The following RBM12 variants were observed in gnomAD, a reference collection of about 807,000 sequenced individuals.
The protein encoded by RBM12 is RNA-binding protein 12.
A neutral mutation model predicts 37.2 loss-of-function variants in RBM12; 24 were observed. The observed-to-expected ratio is 0.65, with a 90% CI of 0.47 to 0.91. The LOEUF is 0.91. Among genes scored for constraint, RBM12 ranks in the 40% least tolerant of loss-of-function variants. The pLI, the probability that RBM12 is intolerant of heterozygous loss-of-function variation, is 0.00. For synonymous variants in RBM12, 420 were observed against 425.2 expected (o/e 0.99, Z 0.15); for missense variants, 1,061 against 1,183.2 (o/e 0.90, Z 1.52).
Position 35,654,674 on chromosome 20 carries a change from A to G in RBM12, c.649T>C (p.Leu217=). 6.2e-7 allele frequency: 1 copy of G among 1,613,362 alleles called. No homozygotes were observed. Among genetic ancestry groups the G allele is most frequent in the Non-Finnish European group, 8.5e-7 (1 of 1,179,340 alleles). ...GGGGGCACAGGAGGCACAGGAGGCAATGTAGGTACTGGAGGAGGAACTGGA... is the reference window on the plus strand; with the variant it reads ...GGGGGCACAGGAGGCACAGGAGGCAGTGTAGGTACTGGAGGAGGAACTGGA... ...PIPVPPPVPT[L]PPVPPVPPIP... Residue 217 remains leucine, a synonymous_variant, in exon 3 of 3, where the codon TTG becomes CTG. Transcript: ENST00000374114.
At chr20:35,662,270 CTTCA>C (rs534926187) in intron 1 of RBM12, among the ~76,000 whole-genome samples, 185 of 152,256 alleles carry the variant, frequency 1.2e-3, no homozygotes, top group African/African-American at 4.0e-3. Context: ...ATGTTGCTAC[CTTCA>C]TTTTCACTTC....
In RBM12 at chr20:35,649,135, T is replaced by C. The variant is rs1384725727; in HGVS notation, c.*3389A>G. ...TACTATAGAACTGCCAGTAAAACAATTTAAATGTGGCAATTTTGCAAGGGT... is the reference window on the plus strand; with the variant it reads ...TACTATAGAACTGCCAGTAAAACAACTTAAATGTGGCAATTTTGCAAGGGT... On this transcript the variant is annotated 3_prime_UTR_variant, in exon 3 of 3. Transcript: ENST00000374114. The C allele has an allele frequency of 6.6e-6, 1 of 152,484 alleles. No homozygotes were observed. The highest frequency in any genetic ancestry group is 1.5e-5 in the Non-Finnish European group (1 of 68,040). 9.4% of individuals were successfully genotyped at this position (152,484 alleles called of 1,614,324 possible). A position where few individuals can be genotyped will look rare whatever the true frequency, so the allele number is the denominator to read the frequency against.
chr20:35,655,106 A>G lies in RBM12; in HGVS notation c.217T>C (p.Leu73=). The change falls in exon 3 of 3, where the codon TTG becomes CTG. Residue 73 remains leucine (L), a synonymous_variant. Transcript: ENST00000374114. ...TTCTGCATTTCCGTCTTACTACTCA[A>G]CAATAGTGTTACTTTTGACCCTTTA... The part of the protein sequence containing the change: ...TIKGSKVTLL[L]SSKTEMQNMI... 3.1e-6 allele frequency: 5 copies of G among 1,614,164 alleles called. No individual in the cohort carries two copies. The highest frequency in any genetic ancestry group is 4.2e-6 in the Non-Finnish European group (5 of 1,180,032).
Position 35,653,493 on chromosome 20 carries a change from A to G in RBM12, c.1830T>C (p.Asn610=). The G allele has an allele frequency of 1.2e-6, 2 of 1,614,190 alleles. No individual in the cohort carries two copies. Among genetic ancestry groups the G allele is most frequent in the Non-Finnish European group, 1.7e-6 (2 of 1,180,040 alleles). Residue 610 remains asparagine (N), a synonymous_variant, in exon 3 of 3, where the codon AAT becomes AAC. Coordinates refer to ENST00000374114, the MANE Select transcript of RBM12 (RefSeq NM_006047.6). ...KSERLHRKKL[N]GREAFVHVVT... is the part of the protein sequence containing the mutation. The stretch of plus-strand genomic sequence containing the variant: ...CTACATGAACAAAAGCTTCTCTCCC[A>G]TTAAGTTTTTTACGGTGTAAGCGTT...
rs912712495 is a variant in RBM12 at position 35,649,498 on chromosome 20, C to A, written c.*3026G>T. 1 of 152,550 alleles carries A rather than the reference C, an allele frequency of 6.6e-6. No homozygotes were observed. The highest frequency in any genetic ancestry group is 6.5e-5 in the Admixed American group (1 of 15,282). 9.4% of individuals were successfully genotyped at this position (152,550 alleles called of 1,614,324 possible). On this transcript the variant is annotated 3_prime_UTR_variant, in exon 3 of 3. Transcript: ENST00000374114. ...GAAATTTTAAATAAAGTTTCCTAAT[C>A]GAATTTTCATTGTTGATGCTTTGAC...
In RBM12 at chr20:35,654,548, T is replaced by C. The variant is rs201755475; in HGVS notation, c.775A>G (p.Met259Val). The change falls in exon 3 of 3, where the codon ATG (methionine) becomes GTG (valine). Residue 259 changes from methionine (M) to valine (V), a missense_variant. Met to Val is a conservative substitution (Grantham distance 21, BLOSUM62 1). Transcript: ENST00000374114. ...PPPVAPLPAG[M>V]NGSGAPMNLN... ...TTCATAGGTGCTCCAGAGCCATTCA[T>C]TCCAGCAGGTAGAGGTGCCACAGGT... 9 of 1,614,230 alleles carry C rather than the reference T, an allele frequency of 5.6e-6. No individual in the cohort carries two copies. The highest frequency in any genetic ancestry group is 1.7e-6 in the Non-Finnish European group (2 of 1,180,046).
chr20:35,658,891 T>C (rs1193273976), intron 2 of RBM12, 39 bp downstream of exon 2: 8 of 710,990 alleles, frequency 1.1e-5, no homozygotes, highest in African/African-American at 8.8e-5. Context: ...TCTCATTTTA[T>C]TTTGTATAAA....
At position 35,655,118 on chromosome 20, in the gene RBM12, C is replaced by T; in HGVS notation, c.205G>A (p.Val69Ile). 1 of 1,614,192 alleles carries T rather than the reference C, an allele frequency of 6.2e-7. No homozygotes were observed. Among genetic ancestry groups the T allele is most frequent in the Non-Finnish European group, 8.5e-7 (1 of 1,180,038 alleles). The stretch of plus-strand genomic sequence containing the variant: ...GTCTTACTACTCAACAATAGTGTTA[C>T]TTTTGACCCTTTAATTGTACCACCT... Reference protein sequence around the residue: ...RTGGTIKGSKVTLLLSSKTEM... With the variant: ...RTGGTIKGSKITLLLSSKTEM... The change falls in exon 3 of 3, where the codon GTA (valine) becomes ATA (isoleucine). Residue 69 changes from valine (V) to isoleucine (I), a missense_variant. By Grantham distance (29) the Val-to-Ile change is conservative (BLOSUM62 3). Around this residue, in one of 3 missense-constraint regions of RBM12, gnomAD observed 540 missense variants for 632.7 expected, o/e 0.85. Transcript: ENST00000374114.
rs926705691 is a variant in RBM12, at chr20:35,649,933, T to C, written c.*2591A>G. On this transcript the variant is annotated 3_prime_UTR_variant, in exon 3 of 3. Coordinates refer to ENST00000374114, the MANE Select transcript of RBM12 (RefSeq NM_006047.6). The stretch of plus-strand genomic sequence containing the variant: ...TGAGCAAAGCTTTACAAATCCTTCA[T>C]ACCATACAAAGCAAATGAGAAAATA... 1.3e-5 allele frequency: 2 copies of C among 152,472 alleles called. No homozygotes were observed. Among genetic ancestry groups the C allele is most frequent in the African/African-American group, 4.8e-5 (2 of 41,448 alleles). The allele number at this position is 152,472 out of a possible 1,614,324, so 9.4% of individuals were successfully genotyped here.
intron 2 of RBM12, 128 bp downstream of exon 2, chr20:35,658,802 A>ACAC (rs2034058571): frequency 2.0e-4 from 93 of 473,576 alleles, no homozygotes; most frequent in African/African-American, 1.4e-3. Context: ...AGCAAACAAA[A>ACAC]ACACACACAC....
rs773821439 is a variant in RBM12 at position 35,654,010 on chromosome 20, G to T, written c.1313C>A (p.Pro438Gln). Residue 438 changes from proline (P) to glutamine (Q), a missense_variant, in exon 3 of 3, where the codon CCA (proline) becomes CAA (glutamine). By Grantham distance (76) the Pro-to-Gln change is moderately conservative. This residue lies in a region of RBM12 where 540 missense variants were observed against 632.7 expected (regional missense o/e 0.85). Coordinates refer to ENST00000374114, the MANE Select transcript of RBM12 (RefSeq NM_006047.6). The stretch of plus-strand genomic sequence containing the variant: ...GACATGTTTGTTTTCTGCTTCAAAT[G>T]GTAGCCCTTTCAAGTAAACACAAAA... ...AGFCVYLKGL[P>Q]FEAENKHVID... 6.2e-7 allele frequency: 1 copy of T among 1,614,102 alleles called. No individual in the cohort carries two copies. Among genetic ancestry groups the T allele is most frequent in the Non-Finnish European group, 8.5e-7 (1 of 1,180,034 alleles).
Position 35,654,623 on chromosome 20 carries a change from G to C in RBM12, c.700C>G (p.Pro234Ala), listed in dbSNP as rs755001730. Residue 234 changes from proline (P) to alanine (A), a missense_variant, in exon 3 of 3, where the codon CCC (proline) becomes GCC (alanine). Transcript: ENST00000374114. ...GACATGGGTGGCAGTGGGGTCATGGGTGGCACAGAAGGAACTGGGGGAATC... is the reference window on the plus strand; with the variant it reads ...GACATGGGTGGCAGTGGGGTCATGGCTGGCACAGAAGGAACTGGGGGAATC... Reference protein sequence around the residue: ...PPIPPVPSVPPMTPLPPMSGM... With the variant: ...PPIPPVPSVPAMTPLPPMSGM... 1 of 1,614,210 alleles carries C rather than the reference G, an allele frequency of 6.2e-7. No homozygotes were observed. The highest frequency in any genetic ancestry group is 8.5e-7 in the Non-Finnish European group (1 of 1,180,040).
intron 1 of RBM12, among the ~76,000 whole-genome samples, chr20:35,659,434 T>C (rs992132740): frequency 5.3e-5 from 8 of 152,220 alleles, no homozygotes; most frequent in Non-Finnish European, 1.2e-4. Flanking sequence ...ATAACAATTC[T>C]TGGACAACTT....
chr20:35,652,818 A>AGGGCCGGGGCCG lies in RBM12; in HGVS notation c.2493_2504dup (p.Gly834_Pro837dup), dbSNP rs201181145. ...GGGGACCACCAATATGGATTGGGCC[A>AGGGCCGGGGCCG]GGGCCGGGGCCGGGGCCGGGGCCAG... On this transcript the variant is annotated inframe_insertion, in exon 3 of 3. Coordinates refer to ENST00000374114, the MANE Select transcript of RBM12 (RefSeq NM_006047.6). The AGGGCCGGGGCCG allele has an allele frequency of 2.6e-5, 42 of 1,602,474 alleles. No homozygotes were observed. Among genetic ancestry groups the AGGGCCGGGGCCG allele is most frequent in the Middle Eastern group, 1.7e-4 (1 of 6,010 alleles).
At chr20:35,660,035 C>T (rs1275637585) in intron 1 of RBM12, among the ~76,000 whole-genome samples, 2 of 152,142 alleles carry the variant, frequency 1.3e-5, no homozygotes, top group African/African-American at 4.8e-5. Flanking sequence ...TTTCAAAAAT[C>T]TGTGTGATTT....
At position 35,651,334 on chromosome 20, in the gene RBM12, G is replaced by A. The variant is rs916718255; in HGVS notation, c.*1190C>T. 6.6e-6 allele frequency: 1 copy of A among 152,172 alleles called. No homozygotes were observed. The highest frequency in any genetic ancestry group is 1.5e-5 in the Non-Finnish European group (1 of 68,028). 9.4% of individuals were successfully genotyped at this position (152,172 alleles called of 1,614,324 possible). ...AAAGAAAAGAGTATGAAAGGGTCAA[G>A]AATCTCAATTTTCTCCTCTGGCGGC... On this transcript the variant is annotated 3_prime_UTR_variant, in exon 3 of 3. Transcript: ENST00000374114.
In RBM12 at chr20:35,652,561, G is replaced by C; in HGVS notation, c.2762C>G (p.Pro921Arg). 1 of 1,614,016 alleles carries C rather than the reference G, an allele frequency of 6.2e-7. No homozygotes were observed. Residue 921 changes from proline to arginine, a missense_variant, in exon 3 of 3, where the codon CCT becomes CGT. Physicochemically the swap from Pro to Arg is moderately radical, Grantham distance 103. This residue lies in a region of RBM12 where 517 missense variants were observed against 534.0 expected (regional missense o/e 0.97). Coordinates refer to ENST00000374114, the MANE Select transcript of RBM12 (RefSeq NM_006047.6). ...AAGTTTTACTTTTCTTGAACCTATA[G>C]GCCTGTCATTTAAGTCAATGACAGC... Reference protein sequence around the residue: ...TAAVIDLNDRPIGSRKVKLVL... With the variant: ...TAAVIDLNDRRIGSRKVKLVL...
Position 35,654,958 on chromosome 20 carries a change from G to A in RBM12, c.365C>T (p.Thr122Ile). Residue 122 changes from threonine to isoleucine, a missense_variant, in exon 3 of 3, where the codon ACA (threonine) becomes ATA (isoleucine). Transcript: ENST00000374114. The stretch of plus-strand genomic sequence containing the variant: ...TGATGGATTATTAAAGTTGGATACT[G>A]TTGTGGGCAAGTTTACCCTGCTACT... ...GMSSRVNLPT[T>I]VSNFNNPSPS... 6.2e-7 allele frequency: 1 copy of A among 1,614,190 alleles called. No homozygotes were observed. Among genetic ancestry groups the A allele is most frequent in the East Asian group, 2.2e-5 (1 of 44,892 alleles).
Position 35,654,918 on chromosome 20 carries a change from A to G in RBM12, c.405T>C (p.Thr135=). The G allele has an allele frequency of 1.9e-6, 3 of 1,614,150 alleles. No homozygotes were observed. Among genetic ancestry groups the G allele is most frequent in the Non-Finnish European group, 2.5e-6 (3 of 1,180,006 alleles). Residue 135 remains threonine (T), a synonymous_variant, in exon 3 of 3, where the codon ACT becomes ACC. Coordinates refer to ENST00000374114, the MANE Select transcript of RBM12 (RefSeq NM_006047.6). ...NFNNPSPSVV[T]ATTSVHESNK... is the part of the protein sequence containing the mutation. The stretch of plus-strand genomic sequence containing the variant: ...TGCTTTCATGAACAGAAGTGGTGGC[A>G]GTAACTACACTGGGTGATGGATTAT...
Sources: gnomAD v4.1 joint callset for allele counts (sites outside exome capture counted in the v4.1 genomes callset) on GRCh38, gnomAD v4.1.1 for gene constraint, gnomAD v4.1.1 regional missense constraint, MANE v1.5 for transcripts, NCBI Gene and HGNC (gene_info 2026-07-23, HGNC 2026-07-21) for gene names.